The following METAP1 variants were observed in gnomAD, a reference collection of about 807,000 sequenced individuals.
The protein encoded by METAP1 is methionyl aminopeptidase 1.
A neutral mutation model predicts 53.8 loss-of-function variants in METAP1; 28 were observed. The observed-to-expected ratio is 0.52, with a 90% CI of 0.39 to 0.71. The LOEUF is 0.71. METAP1 is among the 30% of genes least tolerant of loss of function. The probability of loss-of-function intolerance (pLI) is 0.00; values close to 1 mark genes in which losing one functional copy is unlikely to be tolerated. For missense variants in METAP1, 389 were observed against 479.8 expected (o/e 0.81, Z 1.77); for synonymous variants, 181 against 165.7 (o/e 1.09, Z -0.71).
chr4:99,025,359 G>A (rs536751374), intron 1 of METAP1: 142 of 984,936 alleles, frequency 1.4e-4, no homozygotes, highest in Non-Finnish European at 1.7e-4. Context: ...TTGCAGTAGC[G>A]ATTTCAGTAG....
At chr4:99,021,521 G>A (rs1457685533) in intron 1 of METAP1, among the ~76,000 whole-genome samples, 3 of 152,104 alleles carry the variant, frequency 2.0e-5, no homozygotes, top group African/African-American at 7.2e-5. Context: ...ATGGGCACGG[G>A]AATTTGATGT....
At chr4:99,000,292 G>GT (rs1722857711) in intron 1 of METAP1, among the ~76,000 whole-genome samples, 2 of 152,176 alleles carry the variant, frequency 1.3e-5, no homozygotes, top group Admixed American at 1.3e-4. Flanking sequence ...TGAGTGATCT[G>GT]TAACTATTTA....
chr4:99,012,907 T>A (rs1335822018), intron 1 of METAP1, among the ~76,000 whole-genome samples: 1 of 152,034 alleles, frequency 6.6e-6, no homozygotes, highest in African/African-American at 2.4e-5. Flanking sequence ...AGGTCATAGG[T>A]GGGTTCAAAG....
chr4:99,042,943 G>C (rs148367233), intron 6 of METAP1, among the ~76,000 whole-genome samples: 2 of 151,942 alleles, frequency 1.3e-5, no homozygotes, highest in Non-Finnish European at 2.9e-5. Flanking sequence ...GTGTCCTGTC[G>C]GTGTTCAGAA....
chr4:99,027,870 G>C (rs1383410614), intron 1 of METAP1, among the ~76,000 whole-genome samples: 1 of 152,190 alleles, frequency 6.6e-6, no homozygotes, highest in African/African-American at 2.4e-5. Context: ...TGAGGTTGGA[G>C]AAACTGATCT....
At chr4:99,040,904 A>G (rs1725812528) in intron 5 of METAP1, 139 bp from the exon 6 acceptor site, 1 of 290,678 alleles carries the variant, frequency 3.4e-6, no homozygotes, top group Non-Finnish European at 6.1e-6. Context: ...TACATATAAT[A>G]TATTTATATA....
intron 1 of METAP1, among the ~76,000 whole-genome samples, chr4:99,019,538 C>T (rs1272204858): frequency 1.3e-5 from 2 of 152,176 alleles, no homozygotes; most frequent in African/African-American, 4.8e-5. Flanking sequence ...CCCTTTATGA[C>T]ATATGCTGTG....
chr4:99,055,546 C>T (rs1372473720), intron 9 of METAP1, among the ~76,000 whole-genome samples: 2 of 152,176 alleles, frequency 1.3e-5, no homozygotes, highest in African/African-American at 4.8e-5. Flanking sequence ...CTAAGAGTGT[C>T]TGCGATAGTA....
chr4:99,051,382 G>A (rs928096250), intron 9 of METAP1, among the ~76,000 whole-genome samples: 3 of 152,030 alleles, frequency 2.0e-5, no homozygotes, highest in East Asian at 1.9e-4. Flanking sequence ...AAAGACCCAG[G>A]TGTACTTTAT....
At chr4:99,014,437 A>G (rs1723639960) in intron 1 of METAP1, among the ~76,000 whole-genome samples, 1 of 152,216 alleles carries the variant, frequency 6.6e-6, no homozygotes, top group Non-Finnish European at 1.5e-5. Flanking sequence ...AATTCCCCTG[A>G]CCACTTTGGT....
intron 9 of METAP1, among the ~76,000 whole-genome samples, chr4:99,050,225 T>C (rs1015104786): frequency 2.0e-5 from 3 of 152,160 alleles, no homozygotes; most frequent in African/African-American, 7.2e-5. Context: ...GGCTGAGTTA[T>C]ATGTTAAGGA....
At chr4:99,030,490 A>T (rs1724934434) in intron 2 of METAP1, among the ~76,000 whole-genome samples, 1 of 152,152 alleles carries the variant, frequency 6.6e-6, no homozygotes, top group African/African-American at 2.4e-5. Flanking sequence ...TGCTGTTCTT[A>T]ATCCCTTTGG....
chr4:99,030,903 TAAAATA>T (rs893021699), intron 2 of METAP1, among the ~76,000 whole-genome samples: 87 of 152,074 alleles, frequency 5.7e-4, no homozygotes, highest in African/African-American at 2.0e-3. Flanking sequence ...TCTGGACTCT[TAAAATA>T]AAATGGGATA....
chr4:98,996,600 GAAAAGGAC>G (rs1449522731), intron 1 of METAP1, among the ~76,000 whole-genome samples: 1 of 152,238 alleles, frequency 6.6e-6, no homozygotes, highest in Non-Finnish European at 1.5e-5. Context: ...TTCCCAGAGT[GAAAAGGAC>G]AGTTCCATTG....
chr4:99,016,446 T>G (rs1723771313), intron 1 of METAP1, among the ~76,000 whole-genome samples: 2 of 152,200 alleles, frequency 1.3e-5, no homozygotes, highest in African/African-American at 4.8e-5. Context: ...ATTCCCATTC[T>G]ATGTCCAGCA....
At position 99,048,882 on chromosome 4, in the gene METAP1, T is replaced by G. The variant is rs1222089360; in HGVS notation, c.931+6T>G. ...CAATGTACCCCACTATGCTAGTAAG[T>G]ACTATCCAGAGATTTGGTATAAGCT... On this transcript the variant is annotated splice_donor_region_variant and intron_variant, in intron 9 of 10. Transcript: ENST00000296411. 6.2e-7 allele frequency: 1 copy of G among 1,612,948 alleles called. No homozygotes were observed.
intron 1 of METAP1, chr4:99,022,148 G>C: frequency 3.2e-6 from 1 of 317,412 alleles, no homozygotes; most frequent in Non-Finnish European, 5.7e-6. Flanking sequence ...GAGTTTAGAT[G>C]GGGGAATAGT....
At chr4:99,024,187 C>T (rs934926606) in intron 1 of METAP1, among the ~76,000 whole-genome samples, 7 of 152,184 alleles carry the variant, frequency 4.6e-5, no homozygotes, top group African/African-American at 1.2e-4. Flanking sequence ...TTCTGATTAT[C>T]GGTACATGCA....
chr4:99,027,077 A>G (rs1438290127), intron 1 of METAP1, among the ~76,000 whole-genome samples: 2 of 152,218 alleles, frequency 1.3e-5, no homozygotes, highest in African/African-American at 4.8e-5. Context: ...AGGAGAATAC[A>G]AGGCTATTTG....
Sources: gnomAD v4.1 joint callset for allele counts (sites outside exome capture counted in the v4.1 genomes callset) on GRCh38, gnomAD v4.1.1 for gene constraint, MANE v1.5 for transcripts, NCBI Gene and HGNC (gene_info 2026-07-23, HGNC 2026-07-21) for gene names.